Variants in ARMH3 observed in about 807,000 individuals in gnomAD.
ARMH3 encodes the protein armadillo like helical domain containing 3.
Under a neutral mutation model 99.1 loss-of-function variants are expected in ARMH3, and 60 were observed. The observed-to-expected ratio is 0.61, with a 90% CI of 0.49 to 0.75. The LOEUF (loss-of-function observed/expected upper bound fraction) is 0.75. ARMH3 is among the 30% of genes least tolerant of loss of function. ARMH3 has a pLI of 0.00. For missense variants in ARMH3, 679 were observed against 843.1 expected, an observed-to-expected ratio of 0.81 and a Z score of 2.41; for synonymous variants, 285 against 292.8, an observed-to-expected ratio of 0.97 and a Z score of 0.27.
At chr10:101,895,391 G>A (rs531138781) in intron 23 of ARMH3, among the ~76,000 whole-genome samples, 211 of 150,870 alleles carry the variant, frequency 1.4e-3, no homozygotes, top group African/African-American at 5.0e-3. Context: ...GCCATTCTCC[G>A]GCATCAGCCT....
chr10:101,920,381 A>G (rs912831892), intron 23 of ARMH3, among the ~76,000 whole-genome samples: 1 of 152,206 alleles, frequency 6.6e-6, no homozygotes, highest in African/African-American at 2.4e-5. Flanking sequence ...AGAGAACTCC[A>G]GGTGGTCTGG....
chr10:101,857,438 C>T (rs1247993237), intron 24 of ARMH3, among the ~76,000 whole-genome samples: 2 of 151,954 alleles, frequency 1.3e-5, no homozygotes, highest in Non-Finnish European at 2.9e-5. Flanking sequence ...CAGTGAGACT[C>T]CACTTCAAAA....
chr10:101,988,378 A>G (rs1165008045), intron 19 of ARMH3, among the ~76,000 whole-genome samples: 2 of 152,248 alleles, frequency 1.3e-5, no homozygotes, highest in East Asian at 1.9e-4. Context: ...TAAAGTCCAT[A>G]GCAAAAACAA....
rs955600186 is a variant in ARMH3, at chr10:101,957,548, C to T, written c.1578+102G>A. 6.9e-6 allele frequency: 9 copies of T among 1,306,074 alleles called. No homozygotes were observed. In the African/African-American group the frequency reaches 1.2e-4, roughly 17 times the overall value. The allele number at this position is 1,306,074 out of a possible 1,614,324, so 80.9% of individuals were successfully genotyped here. A position where few individuals can be genotyped will look rare whatever the true frequency, so the allele number is the denominator to read the frequency against. On this transcript the variant is annotated intron_variant, in intron 21 of 25. Transcript: ENST00000370033. Reference sequence around the variant, plus strand: ...AAAAAATATATATAGGTCTGGTTCCCTCTATGGCTTAGTCCCCAGACCACC... The same window carrying T: ...AAAAAATATATATAGGTCTGGTTCCTTCTATGGCTTAGTCCCCAGACCACC...
intron 20 of ARMH3, among the ~76,000 whole-genome samples, chr10:101,968,959 C>A (rs1326297265): frequency 1.2e-4 from 19 of 152,106 alleles, no homozygotes; most frequent in Admixed American, 1.2e-3. Flanking sequence ...AAAAGAGGCT[C>A]TCTATTTTTG....
At chr10:101,966,909 G>A (rs1419064643) in intron 20 of ARMH3, among the ~76,000 whole-genome samples, 3 of 152,198 alleles carry the variant, frequency 2.0e-5, no homozygotes, top group African/African-American at 7.2e-5. Flanking sequence ...CCTCAAAAAA[G>A]GAGAGGGGAG....
intron 23 of ARMH3, among the ~76,000 whole-genome samples, chr10:101,925,842 C>T (rs918693221): frequency 3.9e-5 from 6 of 152,034 alleles, no homozygotes; most frequent in Admixed American, 1.3e-4. Flanking sequence ...ACTCAGGAGG[C>T]GGAGGTTGCA....
chr10:102,031,301 G>C (rs1277398801), intron 4 of ARMH3, among the ~76,000 whole-genome samples: 1 of 152,144 alleles, frequency 6.6e-6, no homozygotes, highest in Admixed American at 6.5e-5. Flanking sequence ...CATTATGAGG[G>C]CTATGTGAAA....
intron 24 of ARMH3, among the ~76,000 whole-genome samples, chr10:101,854,331 C>A (rs1037067353): frequency 2.6e-5 from 4 of 152,222 alleles, no homozygotes; most frequent in African/African-American, 9.6e-5. Flanking sequence ...AAGTAACATA[C>A]AATTGATGGA....
At chr10:101,855,619 C>A (rs994378080) in intron 24 of ARMH3, among the ~76,000 whole-genome samples, 1 of 150,920 alleles carries the variant, frequency 6.6e-6, no homozygotes, top group African/African-American at 2.4e-5. Flanking sequence ...AATCACAGCT[C>A]ACTGCACCCT....
intron 19 of ARMH3, among the ~76,000 whole-genome samples, chr10:101,982,708 T>C (rs1471169549): frequency 6.6e-6 from 1 of 152,068 alleles, no homozygotes; most frequent in Non-Finnish European, 1.5e-5. Flanking sequence ...AACCCTATTG[T>C]GAACTGCGCA....
intron 8 of ARMH3, 128 bp from the exon 9 acceptor site, chr10:102,014,152 G>A: frequency 3.0e-6 from 2 of 660,396 alleles, no homozygotes; most frequent in Non-Finnish European, 5.2e-6. Context: ...CTGATACACA[G>A]TCCCAATCCA....
chr10:102,004,734 C>CA (rs1333387885), intron 14 of ARMH3, among the ~76,000 whole-genome samples: 1 of 152,066 alleles, frequency 6.6e-6, no homozygotes, highest in Non-Finnish European at 1.5e-5. Context: ...CCTGAATAAA[C>CA]AGAGACAAGT....
intron 24 of ARMH3, among the ~76,000 whole-genome samples, chr10:101,864,288 G>A (rs1159047612): frequency 1.3e-5 from 2 of 152,146 alleles, no homozygotes; most frequent in Admixed American, 1.3e-4. Context: ...CTTTTACACT[G>A]TTGGTGGAAC....
chr10:102,034,349 A>T (rs2067199104), intron 2 of ARMH3, among the ~76,000 whole-genome samples: 1 of 151,946 alleles, frequency 6.6e-6, no homozygotes, highest in Non-Finnish European at 1.5e-5. Flanking sequence ...AGAAAAAGAG[A>T]ACCCCGGCCA....
At chr10:101,892,688 T>C (rs549024474) in intron 23 of ARMH3, among the ~76,000 whole-genome samples, 7 of 152,268 alleles carry the variant, frequency 4.6e-5, no homozygotes, top group African/African-American at 1.7e-4. Flanking sequence ...TAAGAAATAT[T>C]TGTTGAAAGA....
rs2067168272 is a variant in ARMH3, at chr10:102,033,018, C to T, written c.306+8G>A. On this transcript the variant is annotated splice_region_variant and intron_variant, in intron 4 of 25. Transcript: ENST00000370033. The stretch of plus-strand genomic sequence containing the variant: ...AAACAAGACTTCCCCAGTCTCCCAG[C>T]CTTGTACCTGCAATGCATTGACAAC... 5 of 1,613,620 alleles carry T rather than the reference C, an allele frequency of 3.1e-6. No individual in the cohort carries two copies. The highest frequency in any genetic ancestry group is 4.2e-6 in the Non-Finnish European group (5 of 1,179,706).
At chr10:102,006,745 T>C in intron 13 of ARMH3, 112 bp from the exon 14 acceptor site, 1 of 854,214 alleles carries the variant, frequency 1.2e-6, no homozygotes, top group East Asian at 2.8e-5. Context: ...TTTTTTTTTT[T>C]GAGACAGCAT....
chr10:101,975,856 T>C (rs1235773176), intron 19 of ARMH3, among the ~76,000 whole-genome samples: 1 of 123,382 alleles, frequency 8.1e-6, no homozygotes, highest in East Asian at 2.5e-4. Flanking sequence ...CGAGATTACA[T>C]CTCAAAAAAA....
Sources: gnomAD v4.1 joint callset for allele counts (sites outside exome capture counted in the v4.1 genomes callset) on GRCh38, gnomAD v4.1.1 for gene constraint, MANE v1.5 for transcripts, NCBI Gene and HGNC (gene_info 2026-07-23, HGNC 2026-07-21) for gene names.